PCSK1: variants seen among roughly 807,000 people sequenced by gnomAD.
PCSK1 encodes the protein neuroendocrine convertase 1.
PCSK1 carries 56 observed loss-of-function variants against 90.6 expected under a neutral mutation model. That is an observed-to-expected ratio of 0.62 (90% CI 0.50 to 0.77). The LOEUF is 0.77. Among genes scored for constraint, PCSK1 ranks in the 30% least tolerant of loss-of-function variants. PCSK1 has a pLI of 0.00. For synonymous variants in PCSK1, 348 were observed against 342.4 expected (o/e 1.02, Z -0.18); for missense variants, 801 against 932.6 (o/e 0.86, Z 1.84).
intron 3 of PCSK1, 69 bp downstream of exon 3, chr5:96,425,751 T>C: frequency 1.1e-5 from 9 of 848,054 alleles, no homozygotes; most frequent in Admixed American, 1.9e-5. Context: ...AAATCCATGT[T>C]GCAAATGTAA....
chr5:96,407,077 A>G (rs376632217), intron 9 of PCSK1, among the ~76,000 whole-genome samples: 24 of 152,256 alleles, frequency 1.6e-4, no homozygotes, highest in African/African-American at 5.5e-4. Context: ...TAAAGAAACC[A>G]TAATAAAAGA....
chr5:96,397,336 C>T lies in PCSK1; in HGVS notation c.1722G>A (p.Met574Ile), dbSNP rs1269105629. Residue 574 changes from methionine to isoleucine, a missense_variant and splice_region_variant, in exon 12 of 14, where the codon ATG (methionine) becomes ATA (isoleucine). Met to Ile is a conservative substitution (Grantham distance 10). Transcript: ENST00000311106. ...TTTTCATCCTCTCATTCACACTTAC[C>T]ATGTCTGTAATTCTCAAAGTCCAAG... ...IGTWTLRITD[M>I]SGRIQNEGRI... is the part of the protein sequence containing the mutation. 2 of 1,612,742 alleles carry T rather than the reference C, an allele frequency of 1.2e-6. No homozygotes were observed. Among genetic ancestry groups the T allele is most frequent in the South Asian group, 2.2e-5 (2 of 90,998 alleles).
At chr5:96,395,668 C>A (rs2112390953) in intron 12 of PCSK1, among the ~76,000 whole-genome samples, 1 of 152,196 alleles carries the variant, frequency 6.6e-6, no homozygotes, top group South Asian at 2.1e-4. Flanking sequence ...GGAGGGATAG[C>A]ATTAGGAGAA....
chr5:96,406,095 A>G (rs1294641107), intron 9 of PCSK1, among the ~76,000 whole-genome samples: 1 of 152,148 alleles, frequency 6.6e-6, no homozygotes, highest in African/African-American at 2.4e-5. Flanking sequence ...TGGATTACCT[A>G]TGCAGGCTGA....
At position 96,393,232 on chromosome 5, in the gene PCSK1, T is replaced by C; in HGVS notation, c.2031A>G (p.Lys677=). ...MLRLLQSAFS[K]NSPPKQSPKK... ...TTGGTGATTGCTTTGGCGGTGAGTT[T>C]TTACTGAAAGCACTTTGCAGGAGTC... is the stretch of plus-strand genomic sequence containing the variant. The change falls in exon 14 of 14, where the codon AAA becomes AAG. Residue 677 remains lysine (K), a synonymous_variant. Transcript: ENST00000311106. 6.2e-7 allele frequency: 1 copy of C among 1,613,974 alleles called. No individual in the cohort carries two copies. Among genetic ancestry groups the C allele is most frequent in the Non-Finnish European group, 8.5e-7 (1 of 1,179,970 alleles).
intron 12 of PCSK1, 118 bp downstream of exon 12, chr5:96,397,218 T>C: frequency 1.2e-6 from 1 of 860,550 alleles, no homozygotes; most frequent in Non-Finnish European, 1.9e-6. Context: ...TTCCCTTACT[T>C]CTACTAAGAA....
Position 96,398,395 on chromosome 5 carries a change from A to T in PCSK1, c.1588+484T>A, listed in dbSNP as rs75834076. ...TCTGAATTAGTGCCCTCGCAGGAAA[A>T]AGCAAATGTTCATACATCATATAAA... is the stretch of plus-strand genomic sequence containing the variant. On this transcript the variant is annotated intron_variant, in intron 11 of 13. Transcript: ENST00000311106. Among the ~76,000 whole-genome samples, 1,470 of 152,314 alleles carry T rather than the reference A, an allele frequency of 9.7e-3. 29 individuals carry two copies. Among genetic ancestry groups the T allele is most frequent in the African/African-American group, 0.034 (1,422 of 41,570 alleles).
chr5:96,401,224 A>G (rs1043363607), intron 9 of PCSK1, among the ~76,000 whole-genome samples: 1 of 152,170 alleles, frequency 6.6e-6, no homozygotes, highest in Non-Finnish European at 1.5e-5. Flanking sequence ...ATTTCCATGG[A>G]ATAGAAAGAT....
chr5:96,393,722 T>C (rs1197930210), intron 13 of PCSK1, among the ~76,000 whole-genome samples: 1 of 152,208 alleles, frequency 6.6e-6, no homozygotes, highest in African/African-American at 2.4e-5. Context: ...ATGGAATCCA[T>C]TTTGGGAAGC....
At chr5:96,395,850 TC>T (rs1310006265) in intron 12 of PCSK1, among the ~76,000 whole-genome samples, 2 of 150,010 alleles carry the variant, frequency 1.3e-5, no homozygotes, top group Non-Finnish European at 3.0e-5. Flanking sequence ...AAATAAGAGG[TC>T]TATAAATTCA....
At chr5:96,420,449 T>C (rs1348145855) in intron 5 of PCSK1, among the ~76,000 whole-genome samples, 1 of 152,126 alleles carries the variant, frequency 6.6e-6, no homozygotes, top group African/African-American at 2.4e-5. Context: ...TCCTATTGTG[T>C]TTTTACTGGA....
chr5:96,414,051 A>C (rs1760863787), intron 6 of PCSK1, among the ~76,000 whole-genome samples: 1 of 149,686 alleles, frequency 6.7e-6, no homozygotes, highest in African/African-American at 2.5e-5. Flanking sequence ...AGGCAGGAGA[A>C]TGGCATGAAC....
Position 96,426,780 on chromosome 5 carries a change from A to G in PCSK1, c.286-850T>C, listed in dbSNP as rs1428038057. Among the ~76,000 whole-genome samples the G allele has an allele frequency of 3.3e-5, 5 of 152,310 alleles. No individual in the cohort carries two copies. The South Asian group carries it at 6.2e-4, about 19-fold the overall frequency. ...TTCAGTGTGTGGTGGAATATTGTTA[A>G]TGTGAGAGTACTCATGAATCAGCTC... On this transcript the variant is annotated intron_variant, in intron 2 of 13. Transcript: ENST00000311106.
At chr5:96,425,066 A>G (rs1158163553) in intron 3 of PCSK1, among the ~76,000 whole-genome samples, 1 of 140,312 alleles carries the variant, frequency 7.1e-6, no homozygotes, top group African/African-American at 2.6e-5. Context: ...GAAAGAAAGA[A>G]AGAAAGAAAA....
At chr5:96,399,619 G>A (rs993346735) in intron 10 of PCSK1, among the ~76,000 whole-genome samples, 1 of 152,118 alleles carries the variant, frequency 6.6e-6, no homozygotes, top group African/African-American at 2.4e-5. Context: ...ACCCTAAGAT[G>A]CATTTTAAAA....
At chr5:96,423,050 C>T (rs1052186212) in intron 4 of PCSK1, among the ~76,000 whole-genome samples, 2 of 152,190 alleles carry the variant, frequency 1.3e-5, no homozygotes, top group Admixed American at 1.3e-4. Flanking sequence ...ATTTTGGTAA[C>T]TTAATTGGTG....
At chr5:96,395,051 A>G in intron 12 of PCSK1, 26 bp from the exon 13 acceptor site, 3 of 1,553,556 alleles carry the variant, frequency 1.9e-6, no homozygotes, top group Non-Finnish European at 2.7e-6. Flanking sequence ...ACCTACATTT[A>G]GTATGTGTTT....
At chr5:96,406,118 C>G (rs1022268819) in intron 9 of PCSK1, among the ~76,000 whole-genome samples, 1 of 152,126 alleles carries the variant, frequency 6.6e-6, no homozygotes, top group African/African-American at 2.4e-5. Flanking sequence ...TTTTCAATCT[C>G]AACTCTGAGA....
intron 6 of PCSK1, among the ~76,000 whole-genome samples, chr5:96,414,000 G>A (rs1181328987): frequency 3.4e-5 from 5 of 147,614 alleles, no homozygotes; most frequent in African/African-American, 7.5e-5. Context: ...TTAGCCGGGC[G>A]TAGTGGCGGG....
Sources: gnomAD v4.1 joint callset for allele counts (sites outside exome capture counted in the v4.1 genomes callset) on GRCh38, gnomAD v4.1.1 for gene constraint, MANE v1.5 for transcripts, NCBI Gene and HGNC (gene_info 2026-07-23, HGNC 2026-07-21) for gene names.